The following ODAD1 variants were observed in gnomAD, a reference collection of about 807,000 sequenced individuals.
ODAD1 encodes outer dynein arm-docking complex subunit 1.
In ODAD1, 49 loss-of-function variants were observed where a neutral mutation model predicts 67.2. The ratio of observed to expected loss-of-function variants is 0.73; its 90% confidence interval spans 0.58 to 0.92. The LOEUF is 0.92. ODAD1 is among the 40% of genes least tolerant of loss of function. ODAD1 has a pLI of 0.00. For missense variants in ODAD1, 897 were observed against 953.7 expected, an observed-to-expected ratio of 0.94 and a Z score of 0.78; for synonymous variants, 345 against 393.7, an observed-to-expected ratio of 0.88 and a Z score of 1.46.
At chr19:48,318,942 C>T in intron 3 of ODAD1, 130 bp from the exon 4 acceptor site, 1 of 635,094 alleles carries the variant, frequency 1.6e-6, no homozygotes, top group South Asian at 1.8e-5. Flanking sequence ...CAGCCCCCAA[C>T]ACCCCTCTAG....
At chr19:48,300,870 T>C (rs1968446298) in intron 12 of ODAD1, 1 of 152,246 alleles carries the variant, frequency 6.6e-6, no homozygotes, top group South Asian at 2.1e-4. Context: ...CTCACGCCTG[T>C]AATCCCAGCA....
At position 48,318,876 on chromosome 19, in the gene ODAD1, G is replaced by A. The variant is rs1600876227; in HGVS notation, c.71-64C>T. On this transcript the variant is annotated intron_variant, in intron 3 of 15. Coordinates refer to ENST00000674294, the MANE Select transcript of ODAD1 (RefSeq NM_001364171.2). ...TGGCCACCAGCTCCTCCCAACCCAG[G>A]ACCTAGGAATTCTGCTCCCTTTGGG... The A allele has an allele frequency of 1.4e-5, 14 of 1,036,660 alleles. No individual in the cohort carries two copies. The East Asian group carries it at 3.4e-4, about 25-fold the overall frequency. 64.2% of individuals were successfully genotyped at this position (1,036,660 alleles called of 1,614,324 possible).
chr19:48,304,606 C>A (rs989877316), intron 8 of ODAD1, among the ~76,000 whole-genome samples: 1 of 94,562 alleles, frequency 1.1e-5, no homozygotes, highest in Admixed American at 1.0e-4. Flanking sequence ...GTGGCAAGAG[C>A]GAAACTGTCT....
At chr19:48,311,907 C>A in intron 6 of ODAD1, 87 bp downstream of exon 6, 1 of 1,279,772 alleles carries the variant, frequency 7.8e-7, no homozygotes. Context: ...GCACACACTG[C>A]CCAGCATTTC....
At chr19:48,311,933 A>T in intron 6 of ODAD1, 61 bp downstream of exon 6, 1 of 1,491,068 alleles carries the variant, frequency 6.7e-7, no homozygotes, top group Non-Finnish European at 9.1e-7. Context: ...TCCAATGACC[A>T]TGCCCAGTTC....
Position 48,296,749 on chromosome 19 carries a change from A to T in ODAD1, c.*227T>A. 7.2e-7 allele frequency: 1 copy of T among 1,385,354 alleles called. No homozygotes were observed. Among genetic ancestry groups the T allele is most frequent in the Admixed American group, 3.4e-5 (1 of 29,544 alleles). The allele number at this position is 1,385,354 out of a possible 1,614,324, so 85.8% of individuals were successfully genotyped here. A position where few individuals can be genotyped will look rare whatever the true frequency, so the allele number is the denominator to read the frequency against. On this transcript the variant is annotated 3_prime_UTR_variant, in exon 16 of 16. Transcript: ENST00000674294. ...GACCAGGAAGCCCAGAGAACAGGAG[A>T]TCAGGAGTCAGAGGGAAAAGCAGTG...
intron 8 of ODAD1, among the ~76,000 whole-genome samples, chr19:48,305,400 C>T (rs934451363): frequency 5.3e-5 from 8 of 149,764 alleles, no homozygotes; most frequent in Non-Finnish European, 1.0e-4. Flanking sequence ...GTGCTAGATG[C>T]GCTTTTTTTT....
rs1177607107 is a variant in ODAD1 at position 48,299,098 on chromosome 19, T to C, written c.1241-758A>G. 2.6e-5 allele frequency among the ~76,000 whole-genome samples: 4 copies of C among 152,306 alleles called. 1 individual carries two copies. The highest frequency in any genetic ancestry group is 4.1e-4 in the South Asian group (2 of 4,826). On this transcript the variant is annotated intron_variant, in intron 12 of 15. Coordinates refer to ENST00000674294, the MANE Select transcript of ODAD1 (RefSeq NM_001364171.2). ...GGAAGCCACACACCAAGGTTCACAATTGGTGGAGCTGAGATTCAAACCCAG... is the reference window on the plus strand; with the variant it reads ...GGAAGCCACACACCAAGGTTCACAACTGGTGGAGCTGAGATTCAAACCCAG...
rs1157539648 is a variant in ODAD1 at position 48,297,523 on chromosome 19, A to G, written c.1582-5T>C. On this transcript the variant is annotated splice_polypyrimidine_tract_variant and splice_region_variant and intron_variant, in intron 15 of 15. Transcript: ENST00000674294. ...CGCCTGCTCCTGGAGCTCCACCTGC[A>G]GGGAAGGTGAACTGGGCCCCGACAC... 5 of 1,602,742 alleles carry G rather than the reference A, an allele frequency of 3.1e-6. No homozygotes were observed. The highest frequency in any genetic ancestry group is 4.3e-6 in the Non-Finnish European group (5 of 1,175,114).
intron 11 of ODAD1, 34 bp from the exon 12 acceptor site, chr19:48,302,896 G>T (rs530604105): frequency 4.3e-6 from 7 of 1,612,594 alleles, no homozygotes; most frequent in Non-Finnish European, 5.9e-6. Flanking sequence ...GGGCCAGATG[G>T]CAGCCTCGGG....
intron 3 of ODAD1, among the ~76,000 whole-genome samples, chr19:48,319,059 C>A (rs1006205636): frequency 1.3e-5 from 2 of 152,070 alleles, no homozygotes; most frequent in African/African-American, 4.8e-5. Context: ...CACCAGAGGG[C>A]ACTTCTGGAA....
At chr19:48,318,946 C>T (rs1968971761) in intron 3 of ODAD1, 134 bp from the exon 4 acceptor site, 1 of 623,052 alleles carries the variant, frequency 1.6e-6, no homozygotes, top group African/African-American at 1.8e-5. Flanking sequence ...CCCCAACACC[C>T]CTCTAGGAAT....
chr19:48,321,313 G>C (rs1382783684), intron 1 of ODAD1, among the ~76,000 whole-genome samples: 1 of 152,262 alleles, frequency 6.6e-6, no homozygotes, highest in African/African-American at 2.4e-5. Context: ...AGGGCCTGTG[G>C]AGCGGTGCTG....
rs1273874168 is a variant in ODAD1, at chr19:48,302,734, G to GC, written c.1199dup (p.Phe401LeufsTer14). The GC allele has an allele frequency of 6.2e-7, 1 of 1,612,950 alleles. No homozygotes were observed. ...CCAGCTGTCCCCGCACATCCTGGAA[G>GC]CGGGCCTCAAGGCGCTCAGCCTCCG... On this transcript the variant is annotated frameshift_variant, in exon 12 of 16. Transcript: ENST00000674294. LOFTEE classifies it high-confidence loss of function.
At chr19:48,305,931 C>T (rs1303809965) in intron 8 of ODAD1, among the ~76,000 whole-genome samples, 1 of 151,880 alleles carries the variant, frequency 6.6e-6, no homozygotes, top group Non-Finnish European at 1.5e-5. Flanking sequence ...CGGTGCCGGG[C>T]ACCTGTAATC....
Position 48,303,695 on chromosome 19 carries a change from T to C in ODAD1, c.943A>G (p.Met315Val), listed in dbSNP as rs768270947. 8.1e-6 allele frequency: 13 copies of C among 1,613,946 alleles called. No homozygotes were observed. The highest frequency in any genetic ancestry group is 5.3e-5 in the African/African-American group (4 of 74,896). Residue 315 changes from methionine to valine, a missense_variant, in exon 10 of 16, where the codon ATG becomes GTG. Physicochemically the swap from Met to Val is conservative, Grantham distance 21 (BLOSUM62 1). Transcript: ENST00000674294. ...EDALNKLSQLMGESDPDLLVQ... is the reference protein window; with the variant it reads ...EDALNKLSQLVGESDPDLLVQ... Reference sequence around the variant, plus strand: ...AACAGGTCAGGGTCACTCTCCCCCATCAGCTGGGACAGTTTATTCAGGGCG... The same window carrying C: ...AACAGGTCAGGGTCACTCTCCCCCACCAGCTGGGACAGTTTATTCAGGGCG...
At chr19:48,302,664 G>C in intron 12 of ODAD1, 30 bp downstream of exon 12, 1 of 1,583,610 alleles carries the variant, frequency 6.3e-7, no homozygotes, top group Non-Finnish European at 8.6e-7. Context: ...GAGAAGCCAG[G>C]CTCGGGAGGG....
Position 48,318,506 on chromosome 19 carries a change from C to T in ODAD1, c.241G>A (p.Val81Ile). ...QVQISAAQNQ[V>I]KRLRDSQRLE... The stretch of plus-strand genomic sequence containing the variant: ...CGCTGACTGTCCCGAAGCCGCTTGA[C>T]CTGGTTCTGGGCTGCGCTGATCTGC... The change falls in exon 5 of 16, where the codon GTC becomes ATC. Residue 81 changes from valine to isoleucine, a missense_variant. Coordinates refer to ENST00000674294, the MANE Select transcript of ODAD1 (RefSeq NM_001364171.2). 2 of 1,551,668 alleles carry T rather than the reference C, an allele frequency of 1.3e-6. No individual in the cohort carries two copies. The highest frequency in any genetic ancestry group is 1.7e-6 in the Non-Finnish European group (2 of 1,146,990).
rs368671994 is a variant in ODAD1 at position 48,312,821 on chromosome 19, G to A, written c.361-705C>T. On this transcript the variant is annotated intron_variant, in intron 5 of 15. Coordinates refer to ENST00000674294, the MANE Select transcript of ODAD1 (RefSeq NM_001364171.2). ...ACCACAGGGAGGGTCCTGGGAGAAT[G>A]AGGCCAGTGGACAGAAGTGGAGATG... Among the ~76,000 whole-genome samples, 129 of 152,332 alleles carry A rather than the reference G, an allele frequency of 8.5e-4. 1 individual carries two copies. The highest frequency in any genetic ancestry group is 3.0e-3 in the African/African-American group (124 of 41,580).
Sources: gnomAD v4.1 joint callset for allele counts (sites outside exome capture counted in the v4.1 genomes callset) on GRCh38, gnomAD v4.1.1 for gene constraint, MANE v1.5 for transcripts, NCBI Gene and HGNC (gene_info 2026-07-23, HGNC 2026-07-21) for gene names.